Variants in NRCAM observed in about 807,000 individuals in gnomAD.
NRCAM encodes the protein NgCAM-related cell adhesion molecule.
NRCAM carries 83 observed loss-of-function variants against 156.5 expected under a neutral mutation model. That is an observed-to-expected ratio of 0.53 (90% CI 0.44 to 0.64). The LOEUF (loss-of-function observed/expected upper bound fraction) is 0.64, where lower values mean the gene tolerates loss of function less well. Among genes scored for constraint, NRCAM ranks in the 30% least tolerant of loss-of-function variants. The probability of loss-of-function intolerance (pLI) is 0.00; values close to 1 mark genes in which losing one functional copy is unlikely to be tolerated. For synonymous variants in NRCAM, 538 were observed against 563.9 expected (o/e 0.95, Z 0.65); for missense variants, 1,417 against 1,597.3 (o/e 0.89, Z 1.92).
intron 3 of NRCAM, among the ~76,000 whole-genome samples, chr7:108,309,131 T>C (rs376320149): frequency 6.6e-6 from 1 of 152,178 alleles, no homozygotes; most frequent in Non-Finnish European, 1.5e-5. Context: ...AAGTAGTCAT[T>C]CTGTGAAAAA....
intron 3 of NRCAM, among the ~76,000 whole-genome samples, chr7:108,268,630 GGGGGT>G (rs2097202572): frequency 8.4e-6 from 1 of 119,240 alleles, no homozygotes; most frequent in Non-Finnish European, 1.9e-5. Context: ...GGGGGTGGGG[GGGGGT>G]TGGGGGGGGC....
chr7:108,223,648 G>A (rs2092864090), intron 11 of NRCAM, 77 bp downstream of exon 11: 2 of 689,990 alleles, frequency 2.9e-6, no homozygotes, highest in Non-Finnish European at 4.9e-6. Flanking sequence ...CTCCTCCTAT[G>A]ATATTATTAA....
intron 1 of NRCAM, among the ~76,000 whole-genome samples, chr7:108,408,655 A>G (rs193071125): frequency 4.6e-5 from 7 of 152,370 alleles, no homozygotes; most frequent in African/African-American, 1.7e-4. Context: ...ATTTAATATT[A>G]GCTCACATAT....
intron 2 of NRCAM, among the ~76,000 whole-genome samples, chr7:108,379,492 T>G (rs999823135): frequency 6.6e-6 from 1 of 152,158 alleles, no homozygotes; most frequent in African/African-American, 2.4e-5. Flanking sequence ...TTAATGGGTC[T>G]AGCATTTCGG....
chr7:108,160,769 T>G lies in NRCAM; in HGVS notation c.3467-277A>C, dbSNP rs112694560. Among the ~76,000 whole-genome samples, 115 of 152,362 alleles carry G rather than the reference T, an allele frequency of 7.5e-4. 1 individual carries two copies. Among genetic ancestry groups the G allele is most frequent in the African/African-American group, 2.6e-3 (109 of 41,592 alleles). ...ACACTGTGTTCACAGTTATTTTCACTATATATTCTCAATAAAAACAAATTC... is the reference window on the plus strand; with the variant it reads ...ACACTGTGTTCACAGTTATTTTCACGATATATTCTCAATAAAAACAAATTC... On this transcript the variant is annotated intron_variant, in intron 30 of 32. Transcript: ENST00000379028.
At chr7:108,180,080 T>C (rs940587889) in intron 25 of NRCAM, 143 bp downstream of exon 25, 1 of 674,616 alleles carries the variant, frequency 1.5e-6, no homozygotes, top group Non-Finnish European at 2.5e-6. Flanking sequence ...TTTGGTAGCT[T>C]TGTGTGTGCT....
At chr7:108,259,002 T>A (rs2096789115) in intron 3 of NRCAM, among the ~76,000 whole-genome samples, 1 of 152,208 alleles carries the variant, frequency 6.6e-6, no homozygotes, top group Non-Finnish European at 1.5e-5. Flanking sequence ...ATATTAAAAA[T>A]CCAGTTCCTC....
chr7:108,338,395 G>A (rs2099230834), intron 2 of NRCAM, among the ~76,000 whole-genome samples: 1 of 152,182 alleles, frequency 6.6e-6, no homozygotes, highest in South Asian at 2.1e-4. Context: ...GCTCTACACT[G>A]TATCCTTAGG....
At chr7:108,361,790 T>C (rs1221375433) in intron 2 of NRCAM, among the ~76,000 whole-genome samples, 1 of 152,236 alleles carries the variant, frequency 6.6e-6, no homozygotes, top group Non-Finnish European at 1.5e-5. Flanking sequence ...CGTATATATG[T>C]ATATGTGGAA....
intron 2 of NRCAM, among the ~76,000 whole-genome samples, chr7:108,353,673 T>G (rs7804045): frequency 0.31 from 46,980 of 152,132 alleles, 7,603 homozygotes; most frequent in East Asian, 0.56. Flanking sequence ...TAGAATAAAG[T>G]CTTCATGAAA....
chr7:108,319,176 C>T lies in NRCAM; in HGVS notation c.-173-6445G>A, dbSNP rs1466142587. 2.6e-5 allele frequency among the ~76,000 whole-genome samples: 4 copies of T among 152,168 alleles called. No individual in the cohort carries two copies. The East Asian group carries it at 7.7e-4, about 29-fold the overall frequency. On this transcript the variant is annotated intron_variant, in intron 2 of 32. Transcript: ENST00000379028. ...ATTTTACCACAATAAAAAAGGAAAACATGGCTATAAACTTCCTTCCAACTC... is the reference window on the plus strand; with the variant it reads ...ATTTTACCACAATAAAAAAGGAAAATATGGCTATAAACTTCCTTCCAACTC...
chr7:108,201,970 C>T (rs141743925), intron 13 of NRCAM, among the ~76,000 whole-genome samples: 8 of 152,156 alleles, frequency 5.3e-5, no homozygotes, highest in African/African-American at 1.9e-4. Flanking sequence ...TATGGAGGCT[C>T]GGTTGGTAGC....
intron 3 of NRCAM, among the ~76,000 whole-genome samples, chr7:108,307,945 C>T (rs2098743089): frequency 2.0e-5 from 3 of 152,188 alleles, no homozygotes; most frequent in African/African-American, 7.2e-5. Flanking sequence ...GTATAGAGTA[C>T]CATGTGGACC....
chr7:108,425,979 A>G (rs1216752144), intron 1 of NRCAM, among the ~76,000 whole-genome samples: 2 of 152,222 alleles, frequency 1.3e-5, no homozygotes, highest in African/African-American at 4.8e-5. Context: ...CTGCTGTTTT[A>G]TTTATGAGAA....
At chr7:108,368,822 G>T (rs542007210) in intron 2 of NRCAM, among the ~76,000 whole-genome samples, 1 of 152,212 alleles carries the variant, frequency 6.6e-6, no homozygotes, top group East Asian at 1.9e-4. Context: ...GATAAAACTG[G>T]TGGCTTTACT....
At chr7:108,225,350 G>C (rs1021732994) in intron 10 of NRCAM, among the ~76,000 whole-genome samples, 4 of 152,106 alleles carry the variant, frequency 2.6e-5, no homozygotes, top group African/African-American at 9.7e-5. Context: ...ACAAAACATG[G>C]AAAACATAAT....
At chr7:108,216,455 G>T (rs767956477) in intron 11 of NRCAM, among the ~76,000 whole-genome samples, 14 of 152,090 alleles carry the variant, frequency 9.2e-5, no homozygotes, top group Non-Finnish European at 1.9e-4. Context: ...TTGAATGTTG[G>T]CCTCTCTTGC....
chr7:108,230,160 T>C (rs769780382), intron 8 of NRCAM, among the ~76,000 whole-genome samples: 34 of 152,100 alleles, frequency 2.2e-4, no homozygotes, highest in Middle Eastern at 6.3e-3. Flanking sequence ...GAATGGCAAT[T>C]CCATTTTATC....
intron 14 of NRCAM, among the ~76,000 whole-genome samples, chr7:108,197,261 G>C (rs1386117770): frequency 6.6e-6 from 1 of 152,180 alleles, no homozygotes; most frequent in Non-Finnish European, 1.5e-5. Context: ...CATAGGATTA[G>C]TGACCTTCAT....
Sources: allele counts gnomAD v4.1 joint callset (sites outside exome capture counted in the v4.1 genomes callset), GRCh38; gene constraint gnomAD v4.1.1; transcripts MANE v1.5; gene names NCBI Gene and HGNC (gene_info 2026-07-23, HGNC 2026-07-21).